Variants in GMDS observed in about 807,000 individuals in gnomAD.
GMDS encodes GDP-mannose 4,6-dehydratase, also known as GDP-mannose 4,6 dehydratase.
A neutral mutation model predicts 49.9 loss-of-function variants in GMDS; 20 were observed. The ratio of observed to expected loss-of-function variants is 0.40; its 90% confidence interval spans 0.28 to 0.58. The LOEUF is 0.58. Among genes scored for constraint, GMDS ranks in the 20% least tolerant of loss-of-function variants. GMDS has a pLI of 0.42. For synonymous variants in GMDS, 177 were observed against 178.6 expected, an observed-to-expected ratio of 0.99 and a Z score of 0.07; for missense variants, 362 against 481.4, an observed-to-expected ratio of 0.75 and a Z score of 2.32.
At chr6:2,198,821 A>G (rs1779385202) in intron 1 of GMDS, among the ~76,000 whole-genome samples, 1 of 152,210 alleles carries the variant, frequency 6.6e-6, no homozygotes, top group African/African-American at 2.4e-5. Context: ...ATCCTAAACC[A>G]GAAGAATTAT....
chr6:2,039,062 G>C lies in GMDS; in HGVS notation c.345+76709C>G, dbSNP rs564079313. On this transcript the variant is annotated intron_variant, in intron 4 of 10. Coordinates refer to ENST00000380815, the MANE Select transcript of GMDS (RefSeq NM_001500.4). ...GATGGTACAGCCTACTATACGCCTA[G>C]GCTGTATGGTAGAGCCTATTGCTCC... is the stretch of plus-strand genomic sequence containing the variant. Among the ~76,000 whole-genome samples the C allele has an allele frequency of 5.3e-5, 8 of 152,280 alleles. No homozygotes were observed. In the South Asian group the frequency reaches 1.7e-3, roughly 32 times the overall value.
intron 1 of GMDS, among the ~76,000 whole-genome samples, chr6:2,173,451 T>C (rs1778118687): frequency 6.6e-6 from 1 of 152,152 alleles, no homozygotes; most frequent in Admixed American, 6.6e-5. Flanking sequence ...TTACAGGGCA[T>C]GGAGGGAAGG....
intron 7 of GMDS, among the ~76,000 whole-genome samples, chr6:1,827,365 AT>A (rs1188790984): frequency 4.2e-4 from 38 of 89,736 alleles, no homozygotes; most frequent in African/African-American, 2.1e-3. Context: ...GAAAACCTGT[AT>A]ATACACACGT....
At chr6:1,985,809 G>T (rs141658346) in intron 4 of GMDS, among the ~76,000 whole-genome samples, 2,332 of 152,086 alleles carry the variant, frequency 0.015, 55 homozygotes, top group African/African-American at 0.051. Context: ...ACCACACAAG[G>T]AAGAGGCGGG....
intron 7 of GMDS, among the ~76,000 whole-genome samples, chr6:1,874,059 C>T (rs1758907762): frequency 6.6e-6 from 1 of 152,214 alleles, no homozygotes; most frequent in Non-Finnish European, 1.5e-5. Context: ...TCGAACAGGG[C>T]ACCGGCCTCC....
intron 7 of GMDS, among the ~76,000 whole-genome samples, chr6:1,874,146 T>C (rs1758912993): frequency 6.6e-6 from 1 of 152,238 alleles, no homozygotes; most frequent in South Asian, 2.1e-4. Context: ...GGAGTCACTC[T>C]GTTCTTGACT....
chr6:1,866,086 T>C (rs1758429429), intron 7 of GMDS, among the ~76,000 whole-genome samples: 1 of 152,192 alleles, frequency 6.6e-6, no homozygotes, highest in Admixed American at 6.5e-5. Context: ...CACCTCTCCG[T>C]TTCCACCTCA....
intron 1 of GMDS, among the ~76,000 whole-genome samples, chr6:2,162,434 TC>T (rs1777448262): frequency 6.6e-6 from 1 of 152,150 alleles, no homozygotes; most frequent in Non-Finnish European, 1.5e-5. Context: ...GACATCTGTT[TC>T]CAAAGTTCTT....
At chr6:2,162,418 A>G (rs1376499557) in intron 1 of GMDS, among the ~76,000 whole-genome samples, 1 of 152,116 alleles carries the variant, frequency 6.6e-6, no homozygotes, top group African/African-American at 2.4e-5. Flanking sequence ...CTCAAATCAA[A>G]TAATAGACAT....
chr6:2,060,051 T>C (rs572923864), intron 4 of GMDS, among the ~76,000 whole-genome samples: 40 of 152,316 alleles, frequency 2.6e-4, no homozygotes, highest in Non-Finnish European at 5.3e-4. Flanking sequence ...TCCCTCATTT[T>C]TTCACTAAGC....
At chr6:2,095,171 T>G (rs928760969) in intron 4 of GMDS, among the ~76,000 whole-genome samples, 3 of 152,158 alleles carry the variant, frequency 2.0e-5, no homozygotes, top group African/African-American at 7.2e-5. Context: ...GTTGCAGTGG[T>G]GTAGTTGTCC....
At chr6:1,959,180 A>G (rs1374267121) in intron 6 of GMDS, among the ~76,000 whole-genome samples, 1 of 152,202 alleles carries the variant, frequency 6.6e-6, no homozygotes, top group East Asian at 1.9e-4. Flanking sequence ...AGTGCTCTAT[A>G]GTTTATCATA....
At chr6:2,026,957 T>C (rs1338978430) in intron 4 of GMDS, among the ~76,000 whole-genome samples, 1 of 152,172 alleles carries the variant, frequency 6.6e-6, no homozygotes, top group African/African-American at 2.4e-5. Flanking sequence ...ACACAGATCA[T>C]ATAAGAAATA....
chr6:1,630,035 T>C (rs1762953499), intron 9 of GMDS, among the ~76,000 whole-genome samples: 1 of 152,354 alleles, frequency 6.6e-6, no homozygotes, highest in Non-Finnish European at 1.5e-5. Flanking sequence ...CTTAATGGCA[T>C]GTATAGTGCA....
chr6:1,869,518 A>AAGG, intron 7 of GMDS, among the ~76,000 whole-genome samples: 1 of 152,198 alleles, frequency 6.6e-6, no homozygotes, highest in Admixed American at 6.5e-5. Context: ...GTCAAGGTCT[A>AAGG]GCTCCTGGTC....
chr6:2,136,514 G>A (rs895052938), intron 1 of GMDS, among the ~76,000 whole-genome samples: 4 of 152,322 alleles, frequency 2.6e-5, no homozygotes, highest in Middle Eastern at 3.4e-3. Flanking sequence ...TTGAGGCCAA[G>A]AGCTCAAGGC....
chr6:2,039,526 C>T (rs919256256), intron 4 of GMDS, among the ~76,000 whole-genome samples: 1 of 151,960 alleles, frequency 6.6e-6, no homozygotes, highest in African/African-American at 2.4e-5. Context: ...TACAGTTAAA[C>T]AAAAAATATT....
intron 4 of GMDS, among the ~76,000 whole-genome samples, chr6:2,083,997 G>C (rs1480822256): frequency 1.3e-5 from 2 of 152,212 alleles, no homozygotes; most frequent in East Asian, 3.9e-4. Flanking sequence ...TATGTCTCAA[G>C]GACAGTTCTG....
intron 4 of GMDS, among the ~76,000 whole-genome samples, chr6:2,063,081 G>A (rs1020617876): frequency 6.6e-6 from 1 of 152,222 alleles, no homozygotes; most frequent in Non-Finnish European, 1.5e-5. Flanking sequence ...ACAAGCCCAG[G>A]ACAAGGTTTC....
Sources: gnomAD v4.1 joint callset for allele counts (sites outside exome capture counted in the v4.1 genomes callset) on GRCh38, gnomAD v4.1.1 for gene constraint, MANE v1.5 for transcripts, NCBI Gene and HGNC (gene_info 2026-07-23, HGNC 2026-07-21) for gene names.